The following COL25A1 variants were observed in gnomAD, a reference collection of about 807,000 sequenced individuals.
COL25A1 encodes collagen alpha-1(XXV) chain.
A neutral mutation model predicts 128.4 loss-of-function variants in COL25A1; 103 were observed. That is an observed-to-expected ratio of 0.80 (90% CI 0.68 to 0.94). The LOEUF (loss-of-function observed/expected upper bound fraction) is 0.94. Among genes scored for constraint, COL25A1 ranks in the 40% least tolerant of loss-of-function variants. The probability of loss-of-function intolerance (pLI) is 0.00; values close to 1 mark genes in which losing one functional copy is unlikely to be tolerated. For missense variants in COL25A1, 745 were observed against 840.0 expected (o/e 0.89, Z 1.40); for synonymous variants, 279 against 277.2 (o/e 1.01, Z -0.06).
intron 5 of COL25A1, among the ~76,000 whole-genome samples, chr4:109,043,992 A>G (rs2125932116): frequency 6.6e-6 from 1 of 152,238 alleles, no homozygotes; most frequent in Admixed American, 6.5e-5. Flanking sequence ...GAGAAAGAAA[A>G]TAGAAAAAAG....
intron 3 of COL25A1, among the ~76,000 whole-genome samples, chr4:109,290,849 C>T (rs1578652619): frequency 6.6e-6 from 1 of 152,128 alleles, no homozygotes; most frequent in African/African-American, 2.4e-5. Context: ...GGGCCACATG[C>T]AGCCTGCAGG....
chr4:109,034,873 T>C (rs1301061784), intron 5 of COL25A1, among the ~76,000 whole-genome samples: 1 of 152,208 alleles, frequency 6.6e-6, no homozygotes, highest in Non-Finnish European at 1.5e-5. Context: ...TATGGGGTTT[T>C]GTATTTTGAT....
At chr4:108,826,945 T>C (rs1464480614) in intron 33 of COL25A1, among the ~76,000 whole-genome samples, 190 bp downstream of exon 33, 2 of 152,160 alleles carry the variant, frequency 1.3e-5, no homozygotes. Context: ...TGTCTGTACA[T>C]GATGAGAGGG....
At chr4:109,226,613 A>G (rs1176890042) in intron 3 of COL25A1, among the ~76,000 whole-genome samples, 1 of 152,048 alleles carries the variant, frequency 6.6e-6, no homozygotes, top group Non-Finnish European at 1.5e-5. Flanking sequence ...GAATGCTGAA[A>G]CTCTGAAACA....
chr4:108,926,088 G>GA (rs1746024249), intron 11 of COL25A1, among the ~76,000 whole-genome samples: 1 of 152,070 alleles, frequency 6.6e-6, no homozygotes, highest in South Asian at 2.1e-4. Context: ...TCATGAGATG[G>GA]AAAAAAATTA....
intron 3 of COL25A1, among the ~76,000 whole-genome samples, chr4:109,137,740 T>G (rs1769933629): frequency 6.6e-6 from 1 of 152,192 alleles, no homozygotes; most frequent in Non-Finnish European, 1.5e-5. Flanking sequence ...CAATTTTGAC[T>G]GGGTACAGGA....
chr4:108,892,546 GT>G (rs781579701), intron 16 of COL25A1, among the ~76,000 whole-genome samples: 3 of 152,178 alleles, frequency 2.0e-5, no homozygotes, highest in Non-Finnish European at 2.9e-5. Flanking sequence ...GAACAATGAA[GT>G]TATAATCCTT....
At chr4:108,981,685 T>G (rs1297761127) in intron 6 of COL25A1, among the ~76,000 whole-genome samples, 1 of 152,192 alleles carries the variant, frequency 6.6e-6, no homozygotes, top group African/African-American at 2.4e-5. Context: ...GTGTGATCTT[T>G]AAATGGTTAA....
intron 3 of COL25A1, among the ~76,000 whole-genome samples, chr4:109,088,714 A>C (rs1764634783): frequency 6.6e-6 from 1 of 152,224 alleles, no homozygotes; most frequent in Non-Finnish European, 1.5e-5. Context: ...CTCTGCTTTC[A>C]GGGGATTTAC....
At chr4:109,048,325 T>C (rs1760648898) in intron 4 of COL25A1, 150 bp from the exon 5 acceptor site, 6 of 712,164 alleles carry the variant, frequency 8.4e-6, no homozygotes, top group Non-Finnish European at 1.4e-5. Flanking sequence ...TTAATCATTT[T>C]TAGACCATGG....
intron 5 of COL25A1, among the ~76,000 whole-genome samples, chr4:109,036,178 C>A (rs183702226): frequency 3.9e-5 from 6 of 152,208 alleles, no homozygotes; most frequent in Admixed American, 2.0e-4. Flanking sequence ...CCGCCCACCT[C>A]AACCTCCCAA....
intron 3 of COL25A1, among the ~76,000 whole-genome samples, chr4:109,169,706 T>C (rs1773413226): frequency 6.6e-6 from 1 of 152,184 alleles, no homozygotes; most frequent in Non-Finnish European, 1.5e-5. Context: ...TAATTGTATC[T>C]TTTCTTCAAC....
intron 19 of COL25A1, among the ~76,000 whole-genome samples, chr4:108,882,583 T>C (rs1305981933): frequency 6.6e-6 from 1 of 151,138 alleles, no homozygotes; most frequent in African/African-American, 2.4e-5. Context: ...AAGCCATCTT[T>C]GTGTGTGTGT....
At chr4:109,300,559 C>G in intron 3 of COL25A1, 24 bp downstream of exon 3, 1 of 1,535,502 alleles carries the variant, frequency 6.5e-7, no homozygotes, top group Non-Finnish European at 9.0e-7. Context: ...TGGAGGAAAC[C>G]TTGTTAAATA....
At chr4:108,960,088 T>C (rs866340595) in intron 8 of COL25A1, among the ~76,000 whole-genome samples, 1 of 152,134 alleles carries the variant, frequency 6.6e-6, no homozygotes, top group Admixed American at 6.6e-5. Context: ...AGTTTCCTAA[T>C]ATAGAAGATC....
chr4:109,093,457 GAA>G (rs564834752), intron 3 of COL25A1, among the ~76,000 whole-genome samples: 30 of 69,432 alleles, frequency 4.3e-4, no homozygotes, highest in African/African-American at 8.0e-4. Context: ...CCATCTCTAT[GAA>G]AAAAAAAAAA....
chr4:109,146,721 C>A (rs774326536), intron 3 of COL25A1, among the ~76,000 whole-genome samples: 2 of 152,190 alleles, frequency 1.3e-5, no homozygotes, highest in Non-Finnish European at 2.9e-5. Context: ...CATTCCATGT[C>A]CCCCAGCAGC....
intron 3 of COL25A1, among the ~76,000 whole-genome samples, chr4:109,283,589 C>T (rs1723594340): frequency 6.6e-6 from 1 of 152,138 alleles, no homozygotes; most frequent in African/African-American, 2.4e-5. Flanking sequence ...TACTTGAATG[C>T]TTTTAGGTAG....
intron 3 of COL25A1, among the ~76,000 whole-genome samples, chr4:109,160,824 GT>G (rs1263339384): frequency 6.6e-6 from 1 of 152,008 alleles, no homozygotes; most frequent in Non-Finnish European, 1.5e-5. Flanking sequence ...AAAAACTAAA[GT>G]TTTTAAATGA....
Sources: allele counts gnomAD v4.1 joint callset (sites outside exome capture counted in the v4.1 genomes callset), GRCh38; gene constraint gnomAD v4.1.1; transcripts MANE v1.5; gene names NCBI Gene and HGNC (gene_info 2026-07-23, HGNC 2026-07-21).